BLK: variants seen among roughly 807,000 people sequenced by gnomAD.
BLK encodes the protein tyrosine-protein kinase Blk.
A neutral mutation model predicts 61.8 loss-of-function variants in BLK; 64 were observed. That is an observed-to-expected ratio of 1.03 (90% CI 0.85 to 1.27). The LOEUF is 1.27. BLK is among the 50% of genes most tolerant of loss of function. The pLI, the probability that BLK is intolerant of heterozygous loss-of-function variation, is 0.00. For synonymous variants in BLK, 351 were observed against 272.0 expected (o/e 1.29, Z -2.86); for missense variants, 853 against 660.5 (o/e 1.29, Z -3.19).
intron 1 of BLK, among the ~76,000 whole-genome samples, chr8:11,521,085 A>T (rs1210652964): frequency 6.6e-6 from 1 of 152,226 alleles, no homozygotes; most frequent in East Asian, 1.9e-4. Context: ...GGTTCTATGC[A>T]GGAAAAGACA....
chr8:11,505,353 C>T (rs1042611247), intron 1 of BLK, among the ~76,000 whole-genome samples: 6 of 152,110 alleles, frequency 3.9e-5, no homozygotes, highest in Non-Finnish European at 8.8e-5. Context: ...TTGGAATGGG[C>T]CTGGAGAAGG....
intron 1 of BLK, among the ~76,000 whole-genome samples, chr8:11,521,953 C>T (rs1799469595): frequency 6.6e-6 from 1 of 152,092 alleles, no homozygotes; most frequent in Non-Finnish European, 1.5e-5. Flanking sequence ...TGTAAAGTTC[C>T]TCAAAAACAC....
At chr8:11,561,484 T>C (rs369728833) in intron 11 of BLK, 32 bp downstream of exon 11, 4 of 1,609,270 alleles carry the variant, frequency 2.5e-6, no homozygotes, top group East Asian at 4.5e-5. Flanking sequence ...AAGGGAAACC[T>C]AGGGCCTTAT....
rs1176659208 is a variant in BLK, at chr8:11,554,870, C to T, written c.600C>T (p.Ala200=). 6.2e-7 allele frequency: 1 copy of T among 1,613,526 alleles called. No homozygotes were observed. Among genetic ancestry groups the T allele is most frequent in the Non-Finnish European group, 8.5e-7 (1 of 1,179,968 alleles). ...GGATCACCTTCCCCTCGCTCCAGGC[C>T]CTGGTGCAGCACTATTCTAGTAAGA... ...SPRITFPSLQ[A]LVQHYSKKGD... is the part of the protein sequence containing the mutation. Residue 200 remains alanine, a synonymous_variant, in exon 7 of 13, where the codon GCC becomes GCT. Transcript: ENST00000259089.
At chr8:11,546,236 GC>G (rs1800634806) in intron 3 of BLK, 133 bp downstream of exon 3, 2 of 1,097,084 alleles carry the variant, frequency 1.8e-6, no homozygotes, top group South Asian at 2.5e-5. Context: ...GCTGAGAGAG[GC>G]CCCGGCTCTG....
At chr8:11,532,153 C>T (rs535081181) in intron 1 of BLK, among the ~76,000 whole-genome samples, 3 of 149,422 alleles carry the variant, frequency 2.0e-5, no homozygotes, top group Admixed American at 1.3e-4. Flanking sequence ...GCCAATGTAC[C>T]TGGTCATGTT....
intron 1 of BLK, among the ~76,000 whole-genome samples, chr8:11,536,862 C>T (rs1406009368): frequency 6.6e-6 from 1 of 152,232 alleles, no homozygotes; most frequent in African/African-American, 2.4e-5. Context: ...TTACCCAGGC[C>T]TCTCTTTGGT....
At chr8:11,554,712 C>A in intron 6 of BLK, 31 bp from the exon 7 acceptor site, 6 of 1,610,414 alleles carry the variant, frequency 3.7e-6, no homozygotes, top group Non-Finnish European at 5.1e-6. Context: ...TTGTGCCTTA[C>A]TTCTCGTGTG....
chr8:11,544,484 C>T (rs1342019046), intron 2 of BLK, among the ~76,000 whole-genome samples: 2 of 152,174 alleles, frequency 1.3e-5, no homozygotes, highest in Non-Finnish European at 2.9e-5. Context: ...TATCTGTGTC[C>T]CAGTTTAGCG....
intron 1 of BLK, among the ~76,000 whole-genome samples, chr8:11,528,161 C>A (rs944391741): frequency 6.6e-6 from 1 of 152,116 alleles, no homozygotes; most frequent in Admixed American, 6.5e-5. Flanking sequence ...CTCAGCCTCC[C>A]AAGTCATTGG....
intron 1 of BLK, among the ~76,000 whole-genome samples, chr8:11,520,060 A>G (rs948927608): frequency 2.6e-5 from 4 of 152,228 alleles, no homozygotes; most frequent in Admixed American, 1.3e-4. Flanking sequence ...CACAAACCAC[A>G]GATAACTTTG....
chr8:11,530,831 T>C (rs1255338881), intron 1 of BLK, among the ~76,000 whole-genome samples: 2 of 152,222 alleles, frequency 1.3e-5, no homozygotes, highest in Non-Finnish European at 2.9e-5. Flanking sequence ...TAAGAACATA[T>C]ATGTCAAGTC....
At chr8:11,558,208 T>C (rs1801323868) in intron 10 of BLK, among the ~76,000 whole-genome samples, 170 bp downstream of exon 10, 1 of 152,170 alleles carries the variant, frequency 6.6e-6, no homozygotes, top group Non-Finnish European at 1.5e-5. Flanking sequence ...GCACTTGGAC[T>C]TGCAAACCCT....
rs140314090 is a variant in BLK at position 11,506,938 on chromosome 8, A to G, written c.-2+12347A>G. Among the ~76,000 whole-genome samples the G allele has an allele frequency of 3.7e-3, 563 of 152,340 alleles. 5 individuals are homozygous for G. The highest frequency in any genetic ancestry group is 0.013 in the African/African-American group (541 of 41,568). On this transcript the variant is annotated intron_variant, in intron 1 of 12. Transcript: ENST00000259089. ...TCTGCATCACGGGCTGAAAGCAGGA[A>G]AGTTCTTTTGTCTCTCTTTCTGCTT... is the stretch of plus-strand genomic sequence containing the variant.
intron 1 of BLK, among the ~76,000 whole-genome samples, chr8:11,502,371 T>A (rs1429282345): frequency 6.6e-6 from 1 of 152,138 alleles, no homozygotes; most frequent in African/African-American, 2.4e-5. Flanking sequence ...TGGCACGATC[T>A]CTGGTCACTG....
rs745703573 is a variant in BLK at position 11,564,094 on chromosome 8, G to A, written c.1504G>A (p.Glu502Lys). Residue 502 changes from glutamate (E) to lysine (K), a missense_variant, in exon 13 of 13, where the codon GAG becomes AAG. Glu to Lys is a moderately conservative substitution (Grantham distance 56, BLOSUM62 1). Coordinates refer to ENST00000259089, the MANE Select transcript of BLK (RefSeq NM_001715.3). ...DFYTATERQY[E>K]LQP ...CTACACGGCCACCGAGCGGCAGTAC[G>A]AGCTGCAGCCCTAGCCGGCCGCGCC... 1 of 1,579,818 alleles carries A rather than the reference G, an allele frequency of 6.3e-7. No homozygotes were observed. The highest frequency in any genetic ancestry group is 8.6e-7 in the Non-Finnish European group (1 of 1,168,318).
At chr8:11,548,009 C>T in intron 3 of BLK, 23 bp from the exon 4 acceptor site, 3 of 1,606,172 alleles carry the variant, frequency 1.9e-6, no homozygotes, top group South Asian at 1.1e-5. Flanking sequence ...GAGTGGTGGT[C>T]ATCTCTCCCT....
chr8:11,501,566 A>G (rs1798562873), intron 1 of BLK, among the ~76,000 whole-genome samples: 5 of 152,236 alleles, frequency 3.3e-5, no homozygotes, highest in Admixed American at 3.3e-4. Flanking sequence ...GTATACATAC[A>G]TAAGTTTATA....
Position 11,555,377 on chromosome 8 carries a change from G to C in BLK, c.665G>C (p.Arg222Pro). 6.2e-7 allele frequency: 1 copy of C among 1,614,128 alleles called. No homozygotes were observed. Among genetic ancestry groups the C allele is most frequent in the Non-Finnish European group, 8.5e-7 (1 of 1,180,012 alleles). Reference sequence around the variant, plus strand: ...CAGAGGCTGACCCTGCCCTGTGTGCGCCCGGCCCCGCAGAATCCCTGGGCC... The same window carrying C: ...CAGAGGCTGACCCTGCCCTGTGTGCCCCCGGCCCCGCAGAATCCCTGGGCC... ...LCQRLTLPCV[R>P]PAPQNPWAQD... Residue 222 changes from arginine to proline, a missense_variant, in exon 8 of 13, where the codon CGC (arginine) becomes CCC (proline). Arg to Pro is a moderately radical substitution (Grantham distance 103, BLOSUM62 -2). Coordinates refer to ENST00000259089, the MANE Select transcript of BLK (RefSeq NM_001715.3).
Sources: gnomAD v4.1 joint callset for allele counts (sites outside exome capture counted in the v4.1 genomes callset) on GRCh38, gnomAD v4.1.1 for gene constraint, MANE v1.5 for transcripts, NCBI Gene and HGNC (gene_info 2026-07-23, HGNC 2026-07-21) for gene names.